PHIP: variants seen among roughly 807,000 people sequenced by gnomAD.
PHIP encodes PH-interacting protein.
PHIP carries 54 observed loss-of-function variants against 236.8 expected under a neutral mutation model. That is an observed-to-expected ratio of 0.23 (90% CI 0.18 to 0.29). The LOEUF (loss-of-function observed/expected upper bound fraction) is 0.29, where lower values mean the gene tolerates loss of function less well. PHIP is among the 10% of genes least tolerant of loss of function. The probability of loss-of-function intolerance (pLI) is 1.00; values close to 1 mark genes in which losing one functional copy is unlikely to be tolerated. For missense variants in PHIP, 1,370 were observed against 2,190.8 expected, an observed-to-expected ratio of 0.63 and a Z score of 7.48; for synonymous variants, 756 against 718.9, an observed-to-expected ratio of 1.05 and a Z score of -0.83.
rs1773283040 is a variant in PHIP at position 78,936,704 on chromosome 6, T to C, written c.*3989A>G. 1 of 151,886 alleles carries C rather than the reference T, an allele frequency of 6.6e-6. No individual in the cohort carries two copies. Among genetic ancestry groups the C allele is most frequent in the Admixed American group, 6.6e-5 (1 of 15,248 alleles). 9.4% of individuals were successfully genotyped at this position (151,886 alleles called of 1,614,324 possible). On this transcript the variant is annotated 3_prime_UTR_variant, in exon 40 of 40. Transcript: ENST00000275034. ...TTTTCTACTCACTGTTCTACTGCAG[T>C]GTGTACAAGGTTTATCTCTGGAGCG...
At chr6:78,997,347 T>G in intron 19 of PHIP, 67 bp downstream of exon 19, 1 of 1,371,478 alleles carries the variant, frequency 7.3e-7, no homozygotes. Context: ...ATAACAGCTG[T>G]GAATGCTGTT....
chr6:78,965,371 T>C (rs1767062095), intron 29 of PHIP, among the ~76,000 whole-genome samples: 1 of 152,200 alleles, frequency 6.6e-6, no homozygotes, highest in Non-Finnish European at 1.5e-5. Flanking sequence ...CTCTTAACTA[T>C]TATGTTACAC....
intron 15 of PHIP, among the ~76,000 whole-genome samples, chr6:79,005,281 T>G (rs1770226169): frequency 6.6e-6 from 1 of 151,958 alleles, no homozygotes; most frequent in Non-Finnish European, 1.5e-5. Flanking sequence ...ATTCCAAGTC[T>G]ACTTTAAAAC....
chr6:78,961,111 C>A (rs1766748243), intron 31 of PHIP, among the ~76,000 whole-genome samples: 1 of 152,002 alleles, frequency 6.6e-6, no homozygotes, highest in Admixed American at 6.6e-5. Flanking sequence ...CGATTAAAGA[C>A]ATTCATCAAA....
At position 79,077,511 on chromosome 6, in the gene PHIP, C is replaced by A. The variant is rs1314032194; in HGVS notation, c.130-4G>T. ...AGTCGGTGCGCCGGGGCAGCAGCTGCGGGGAGAGGACACCCCGTGAGCCCG... is the reference window on the plus strand; with the variant it reads ...AGTCGGTGCGCCGGGGCAGCAGCTGAGGGGAGAGGACACCCCGTGAGCCCG... On this transcript the variant is annotated splice_polypyrimidine_tract_variant and splice_region_variant and intron_variant, in intron 3 of 39. Coordinates refer to ENST00000275034, the MANE Select transcript of PHIP (RefSeq NM_017934.7). 1.9e-6 allele frequency: 3 copies of A among 1,539,824 alleles called. No individual in the cohort carries two copies. Among genetic ancestry groups the A allele is most frequent in the Admixed American group, 3.8e-5 (2 of 52,770 alleles).
rs1405455838 is a variant in PHIP, at chr6:78,937,588, T to C, written c.*3105A>G. 3 of 151,740 alleles carry C rather than the reference T, an allele frequency of 2.0e-5. No individual in the cohort carries two copies. Among genetic ancestry groups the C allele is most frequent in the African/African-American group, 7.2e-5 (3 of 41,416 alleles). 9.4% of individuals were successfully genotyped at this position (151,740 alleles called of 1,614,324 possible). The stretch of plus-strand genomic sequence containing the variant: ...AGCTCACAAATATTCCACATACTTA[T>C]TTACTTGGATTGGAGGAAGACAGTT... On this transcript the variant is annotated 3_prime_UTR_variant, in exon 40 of 40. Transcript: ENST00000275034.
chr6:79,049,074 CT>C lies in PHIP; in HGVS notation c.440-6072del, dbSNP rs759656243. On this transcript the variant is annotated intron_variant, in intron 6 of 39. Transcript: ENST00000275034. Reference sequence around the variant, plus strand: ...TTTTATCCTCTTTTGACTAGTTTTACTTTTTTTTTTTTTGAGACAGAGTCTC... The same window carrying C: ...TTTTATCCTCTTTTGACTAGTTTTACTTTTTTTTTTTTGAGACAGAGTCTC... Among the ~76,000 whole-genome samples, 429 of 144,824 alleles carry C rather than the reference CT, an allele frequency of 3.0e-3. 1 individual carries two copies. Among genetic ancestry groups the C allele is most frequent in the South Asian group, 8.1e-3 (37 of 4,586 alleles).
chr6:79,077,731 T>C lies in PHIP; in HGVS notation c.100-2A>G. The C allele has an allele frequency of 9.9e-7, 1 of 1,007,730 alleles. No individual in the cohort carries two copies. Among genetic ancestry groups the C allele is most frequent in the Admixed American group, 5.8e-5 (1 of 17,126 alleles). The allele number at this position is 1,007,730 out of a possible 1,614,324, so 62.4% of individuals were successfully genotyped here. On this transcript the variant is annotated splice_acceptor_variant, in intron 2 of 39. Coordinates refer to ENST00000275034, the MANE Select transcript of PHIP (RefSeq NM_017934.7). LOFTEE classifies it high-confidence loss of function. Reference sequence around the variant, plus strand: ...CTCGGCCACCTCGCGGATCAGCACCTGCAACAACAAAGCGGGGAGAGCTGA... The same window carrying C: ...CTCGGCCACCTCGCGGATCAGCACCCGCAACAACAAAGCGGGGAGAGCTGA...
chr6:79,077,371 T>C (rs1774225219), intron 4 of PHIP, 77 bp downstream of exon 4: 4 of 1,326,852 alleles, frequency 3.0e-6, no homozygotes, highest in Admixed American at 1.7e-5. Flanking sequence ...TTTTTGTCTC[T>C]GTAAAAAATT....
chr6:78,980,277 A>C (rs1768424660), intron 23 of PHIP, among the ~76,000 whole-genome samples: 2 of 152,000 alleles, frequency 1.3e-5, no homozygotes, highest in African/African-American at 4.8e-5. Context: ...CTATGCTTTA[A>C]AGAATAGACC....
At chr6:78,950,208 C>A (rs1269809034) in intron 35 of PHIP, among the ~76,000 whole-genome samples, 2 of 152,182 alleles carry the variant, frequency 1.3e-5, no homozygotes, top group East Asian at 3.8e-4. Context: ...AATACTGAAC[C>A]ATCCTTGTAT....
chr6:78,985,530 G>C (rs1582169837), intron 21 of PHIP, 102 bp from the exon 22 acceptor site: 1 of 746,824 alleles, frequency 1.3e-6, no homozygotes, highest in Non-Finnish European at 2.4e-6. Flanking sequence ...GTCATATTGG[G>C]ATATTTAAAA....
chr6:79,035,000 T>C (rs150743062), intron 7 of PHIP, among the ~76,000 whole-genome samples: 7 of 152,298 alleles, frequency 4.6e-5, no homozygotes, highest in Non-Finnish European at 8.8e-5. Flanking sequence ...GGAACCAAGA[T>C]GGCCAACTGG....
At chr6:79,025,485 C>T in intron 9 of PHIP, 34 bp downstream of exon 9, 2 of 1,258,060 alleles carry the variant, frequency 1.6e-6, no homozygotes, top group Non-Finnish European at 2.3e-6. Flanking sequence ...TTAAACTAAA[C>T]ACATTTAATC....
At chr6:79,029,539 T>C (rs950549526) in intron 7 of PHIP, among the ~76,000 whole-genome samples, 1 of 152,230 alleles carries the variant, frequency 6.6e-6, no homozygotes, top group Non-Finnish European at 1.5e-5. Flanking sequence ...ATACATTTCC[T>C]TATTTACTTT....
At chr6:79,029,818 T>C (rs1001298281) in intron 7 of PHIP, among the ~76,000 whole-genome samples, 2 of 152,166 alleles carry the variant, frequency 1.3e-5, no homozygotes, top group Non-Finnish European at 1.5e-5. Flanking sequence ...GCTATAAATG[T>C]GTTTTAAATA....
At chr6:79,074,018 A>G (rs1159051810) in intron 4 of PHIP, among the ~76,000 whole-genome samples, 1 of 152,164 alleles carries the variant, frequency 6.6e-6, no homozygotes, top group Non-Finnish European at 1.5e-5. Context: ...TTCAAATGAG[A>G]TAACTGGGAC....
chr6:79,077,985 C>T, intron 1 of PHIP, 44 bp downstream of exon 1: 1 of 1,602,292 alleles, frequency 6.2e-7, no homozygotes. Flanking sequence ...GGACCGCGGG[C>T]GGAATCGCCC....
rs1562151161 is a variant in PHIP, at chr6:78,983,118, CTAGAAGG to C, written c.2538-8_2538-2del. ...GTCAGAGTAATCACTGGAGTAGTCA[CTAGAAGG>C]AGAGAAGGGATTATTAGATAACACA... On this transcript the variant is annotated splice_acceptor_variant and splice_polypyrimidine_tract_variant and intron_variant, in intron 22 of 39. Coordinates refer to ENST00000275034, the MANE Select transcript of PHIP (RefSeq NM_017934.7). LOFTEE classifies it high-confidence loss of function. The C allele has an allele frequency of 6.6e-7, 1 of 1,522,290 alleles. No individual in the cohort carries two copies. The highest frequency in any genetic ancestry group is 1.4e-5 in the African/African-American group (1 of 71,774). 94.3% of individuals were successfully genotyped at this position (1,522,290 alleles called of 1,614,324 possible).
Sources: gnomAD v4.1 joint callset for allele counts (sites outside exome capture counted in the v4.1 genomes callset) on GRCh38, gnomAD v4.1.1 for gene constraint, MANE v1.5 for transcripts, NCBI Gene and HGNC (gene_info 2026-07-23, HGNC 2026-07-21) for gene names.